Variants in ATF6 observed in about 807,000 individuals in gnomAD.
ATF6 encodes the protein activating transcription factor 6.
In ATF6, 53 loss-of-function variants were observed where a neutral mutation model predicts 83.6. The observed-to-expected ratio is 0.63, with a 90% confidence interval of 0.51 to 0.80. The LOEUF is 0.80. Ranked by LOEUF, ATF6 falls within the 30% of genes least tolerant of loss-of-function variation. ATF6 has a pLI of 0.00. For synonymous variants in ATF6, 288 were observed against 285.8 expected (o/e 1.01, Z -0.08); for missense variants, 744 against 797.9 (o/e 0.93, Z 0.81).
chr1:161,830,519 G>A (rs891320113), intron 9 of ATF6, among the ~76,000 whole-genome samples: 1 of 152,188 alleles, frequency 6.6e-6, no homozygotes, highest in Non-Finnish European at 1.5e-5. Context: ...AACAAAGCTG[G>A]AGGCATCATG....
intron 7 of ATF6, among the ~76,000 whole-genome samples, chr1:161,815,815 C>T (rs1456882836): frequency 1.3e-5 from 2 of 152,140 alleles, no homozygotes; most frequent in Non-Finnish European, 2.9e-5. Flanking sequence ...TAGCATGCAC[C>T]TGTAGTCCCA....
At chr1:161,902,981 G>A (rs2341473) in intron 14 of ATF6, among the ~76,000 whole-genome samples, 21,828 of 152,082 alleles carry the variant, frequency 0.14, 2,146 homozygotes, top group East Asian at 0.33. Flanking sequence ...AGCTGAGGCC[G>A]CCCTTCTTTA....
At chr1:161,818,878 A>C (rs1685680857) in intron 7 of ATF6, among the ~76,000 whole-genome samples, 1 of 152,210 alleles carries the variant, frequency 6.6e-6, no homozygotes, top group Non-Finnish European at 1.5e-5. Flanking sequence ...TAGTAAGATA[A>C]AAATATTTTC....
intron 1 of ATF6, among the ~76,000 whole-genome samples, chr1:161,776,331 C>T (rs145813567): frequency 3.2e-4 from 49 of 152,270 alleles, no homozygotes; most frequent in African/African-American, 1.2e-3. Context: ...CTTTGCTGGG[C>T]AATAGTCTCT....
intron 9 of ATF6, among the ~76,000 whole-genome samples, chr1:161,839,214 CCCCTTAGCTT>C (rs1355411434): frequency 6.6e-6 from 1 of 152,040 alleles, no homozygotes; most frequent in East Asian, 1.9e-4. Context: ...AACTAGAACA[CCCCTTAGCTT>C]ACATTCTAAC....
chr1:161,950,181 G>A (rs933227966), intron 15 of ATF6, among the ~76,000 whole-genome samples: 1 of 152,120 alleles, frequency 6.6e-6, no homozygotes, highest in African/African-American at 2.4e-5. Context: ...TTTTTAATAG[G>A]CAGAGAGTAA....
chr1:161,769,181 A>G (rs1228714819), intron 1 of ATF6, among the ~76,000 whole-genome samples: 1 of 152,236 alleles, frequency 6.6e-6, no homozygotes, highest in Non-Finnish European at 1.5e-5. Context: ...ACAAGTGAGC[A>G]TGGCTGTGTT....
chr1:161,862,274 C>T (rs1686901928), intron 13 of ATF6, among the ~76,000 whole-genome samples: 1 of 152,096 alleles, frequency 6.6e-6, no homozygotes, highest in South Asian at 2.1e-4. Flanking sequence ...ATTCTTATGA[C>T]TCATTTATTA....
chr1:161,791,473 T>C lies in ATF6; in HGVS notation c.420T>C (p.Asn140=), dbSNP rs767052766. 5 of 1,612,928 alleles carry C rather than the reference T, an allele frequency of 3.1e-6. No individual in the cohort carries two copies. The African/African-American group carries it at 6.7e-5, about 22-fold the overall frequency. ...SPLSLYGENS[N]SLSSAEPLKE... is the part of the protein sequence containing the mutation. ...TTTCCTTATATGGTGAAAACTCTAATAGTCTCTCTTCAGCGGAGCCACTGA... is the reference window on the plus strand; with the variant it reads ...TTTCCTTATATGGTGAAAACTCTAACAGTCTCTCTTCAGCGGAGCCACTGA... The change falls in exon 5 of 16, where the codon AAT becomes AAC. Residue 140 remains asparagine (N), a synonymous_variant. Coordinates refer to ENST00000367942, the MANE Select transcript of ATF6 (RefSeq NM_007348.4).
chr1:161,841,300 A>G (rs1454969855), intron 9 of ATF6, among the ~76,000 whole-genome samples: 1 of 152,190 alleles, frequency 6.6e-6, no homozygotes, highest in Non-Finnish European at 1.5e-5. Context: ...GGGAAATACA[A>G]ACCTGTAGTT....
At chr1:161,860,963 G>A (rs1177789267) in intron 13 of ATF6, among the ~76,000 whole-genome samples, 3 of 152,124 alleles carry the variant, frequency 2.0e-5, no homozygotes, top group Non-Finnish European at 4.4e-5. Flanking sequence ...GCCCTGTTGG[G>A]CAGAGTTCAA....
chr1:161,949,191 C>T (rs1367031471), intron 15 of ATF6, among the ~76,000 whole-genome samples: 1 of 152,192 alleles, frequency 6.6e-6, no homozygotes, highest in Non-Finnish European at 1.5e-5. Context: ...AAATCAGCCT[C>T]CTGTGGGGCC....
intron 10 of ATF6, among the ~76,000 whole-genome samples, chr1:161,850,585 C>T (rs555685301): frequency 6.6e-6 from 1 of 152,262 alleles, no homozygotes; most frequent in African/African-American, 2.4e-5. Flanking sequence ...CCATCTTCCC[C>T]ATTAAGGTCT....
chr1:161,822,965 T>C (rs1469477050), intron 9 of ATF6, among the ~76,000 whole-genome samples: 1 of 152,174 alleles, frequency 6.6e-6, no homozygotes, highest in Non-Finnish European at 1.5e-5. Context: ...TATATACAAA[T>C]TGTGCTTTCT....
At chr1:161,803,235 T>C (rs1008603657) in intron 7 of ATF6, among the ~76,000 whole-genome samples, 18 of 152,218 alleles carry the variant, frequency 1.2e-4, no homozygotes, top group Non-Finnish European at 2.2e-4. Context: ...CATTTAATTA[T>C]AAAATTGCTC....
chr1:161,892,358 A>G (rs561521829), intron 14 of ATF6, among the ~76,000 whole-genome samples: 2 of 152,352 alleles, frequency 1.3e-5, no homozygotes, highest in South Asian at 2.1e-4. Context: ...ACAAATGGAC[A>G]TCTACTTCCC....
intron 9 of ATF6, among the ~76,000 whole-genome samples, chr1:161,833,647 A>G (rs1686132447): frequency 6.6e-6 from 1 of 152,228 alleles, no homozygotes; most frequent in African/African-American, 2.4e-5. Flanking sequence ...ACTGGAAGAA[A>G]GGGTATCAGC....
chr1:161,792,981 A>G (rs1684918928), intron 6 of ATF6, among the ~76,000 whole-genome samples: 1 of 152,202 alleles, frequency 6.6e-6, no homozygotes, highest in African/African-American at 2.4e-5. Flanking sequence ...ATTAGTCATC[A>G]TTGTACTCAT....
At chr1:161,945,486 C>T (rs1688730166) in intron 15 of ATF6, among the ~76,000 whole-genome samples, 1 of 152,166 alleles carries the variant, frequency 6.6e-6, no homozygotes, top group Non-Finnish European at 1.5e-5. Flanking sequence ...TATGCCAGTC[C>T]AGTATGTTTG....
Sources: gnomAD v4.1 joint callset for allele counts (sites outside exome capture counted in the v4.1 genomes callset) on GRCh38, gnomAD v4.1.1 for gene constraint, MANE v1.5 for transcripts, NCBI Gene and HGNC (gene_info 2026-07-23, HGNC 2026-07-21) for gene names.